Variants in XKR9 observed in about 807,000 individuals in gnomAD.
XKR9 encodes XK related 9.
A neutral mutation model predicts 32.0 loss-of-function variants in XKR9; 32 were observed. The observed-to-expected ratio is 1.00, with a 90% CI of 0.76 to 1.34. XKR9 has a LOEUF of 1.34. XKR9 is among the 40% of genes most tolerant of loss of function. The probability of loss-of-function intolerance (pLI) is 0.00; values close to 1 mark genes in which losing one functional copy is unlikely to be tolerated. For synonymous variants in XKR9, 168 were observed against 143.4 expected, an observed-to-expected ratio of 1.17 and a Z score of -1.22; for missense variants, 546 against 429.7, an observed-to-expected ratio of 1.27 and a Z score of -2.39.
At chr8:71,064,785 G>T in the XKR9 span, among the ~76,000 whole-genome samples, 1 of 152,064 alleles carries the variant, frequency 6.6e-6, no homozygotes, top group Non-Finnish European at 1.5e-5. Flanking sequence ...TCACTAATGT[G>T]TTAGATAGCC....
chr8:70,956,443 G>T, the XKR9 span, among the ~76,000 whole-genome samples: 1 of 152,136 alleles, frequency 6.6e-6, no homozygotes, highest in African/African-American at 2.4e-5. Context: ...CCAATTGGCC[G>T]AACTGTCATC....
At chr8:70,748,547 A>G (rs926574148) in intron 2 of XKR9, among the ~76,000 whole-genome samples, 2 of 152,166 alleles carry the variant, frequency 1.3e-5, no homozygotes, top group African/African-American at 4.8e-5. Context: ...CAAGCGTGGG[A>G]GGGAGGCTGG....
the XKR9 span, among the ~76,000 whole-genome samples, chr8:71,011,131 C>T: frequency 2.6e-5 from 4 of 152,096 alleles, no homozygotes; most frequent in Non-Finnish European, 5.9e-5. Flanking sequence ...ATGATCAAAG[C>T]TTCTGGCAGT....
intron 3 of XKR9, among the ~76,000 whole-genome samples, chr8:70,684,029 T>C (rs1264870317): frequency 1.3e-5 from 2 of 152,244 alleles, no homozygotes; most frequent in East Asian, 3.8e-4. Flanking sequence ...GATTTTAGTC[T>C]CATTGCCGCT....
chr8:70,792,418 C>T (rs977749447), downstream of XKR9, among the ~76,000 whole-genome samples: 5 of 152,044 alleles, frequency 3.3e-5, no homozygotes, highest in Non-Finnish European at 7.4e-5. Context: ...GAGAAGTCTT[C>T]CCTGAGGAAA....
At position 70,699,942 on chromosome 8, in the gene XKR9, A is replaced by G. The variant is rs561635897; in HGVS notation, c.273-6991A>G. On this transcript the variant is annotated intron_variant, in intron 3 of 4. Coordinates refer to ENST00000408926, the MANE Select transcript of XKR9 (RefSeq NM_001011720.2). Reference sequence around the variant, plus strand: ...CTTCATTTCATTCATTTCATCTTCCATCACTGATACCCTTTCTTCCAGTTG... The same window carrying G: ...CTTCATTTCATTCATTTCATCTTCCGTCACTGATACCCTTTCTTCCAGTTG... 3.9e-3 allele frequency among the ~76,000 whole-genome samples: 600 copies of G among 152,110 alleles called. 5 individuals carry two copies. The highest frequency in any genetic ancestry group is 0.014 in the African/African-American group (566 of 41,504).
the XKR9 span, among the ~76,000 whole-genome samples, chr8:70,844,896 C>A: frequency 0.11 from 16,489 of 152,288 alleles, 1,419 homozygotes; most frequent in Admixed American, 0.28. Flanking sequence ...CACATCCTAT[C>A]CAGGGGACCA....
chr8:70,987,914 TCA>T, the XKR9 span, among the ~76,000 whole-genome samples: 1 of 152,188 alleles, frequency 6.6e-6, no homozygotes, highest in South Asian at 2.1e-4. Context: ...TTCTCTGCAC[TCA>T]CAGTCTCAAC....
At chr8:70,894,843 T>C in the XKR9 span, among the ~76,000 whole-genome samples, 1 of 152,040 alleles carries the variant, frequency 6.6e-6, no homozygotes, top group African/African-American at 2.4e-5. Context: ...ACAGCTCAGC[T>C]TGGGGCTGTT....
chr8:71,011,439 A>T, the XKR9 span, among the ~76,000 whole-genome samples: 1 of 152,236 alleles, frequency 6.6e-6, no homozygotes, highest in Non-Finnish European at 1.5e-5. Context: ...AGTGCTGAGC[A>T]CAGAGACTCT....
At chr8:71,003,871 A>G in the XKR9 span, among the ~76,000 whole-genome samples, 1 of 152,216 alleles carries the variant, frequency 6.6e-6, no homozygotes, top group Admixed American at 6.5e-5. Context: ...TTTCCTAGAG[A>G]TAAAACGTGT....
the XKR9 span, among the ~76,000 whole-genome samples, chr8:70,903,709 T>C: frequency 2.6e-5 from 4 of 152,216 alleles, no homozygotes; most frequent in African/African-American, 7.2e-5. Flanking sequence ...CTTGCTTCTC[T>C]AGTTCTTTTA....
At chr8:70,838,663 C>T in the XKR9 span, among the ~76,000 whole-genome samples, 3 of 152,072 alleles carry the variant, frequency 2.0e-5, no homozygotes. Context: ...CCATCTTTCT[C>T]TGAAGTTCAT....
the XKR9 span, among the ~76,000 whole-genome samples, chr8:70,828,241 A>G: frequency 1.3e-5 from 2 of 152,210 alleles, no homozygotes; most frequent in Non-Finnish European, 2.9e-5. Flanking sequence ...TTTGTAGAGG[A>G]GTGCTCTATC....
chr8:71,058,295 G>T, the XKR9 span, among the ~76,000 whole-genome samples: 1 of 152,220 alleles, frequency 6.6e-6, no homozygotes, highest in South Asian at 2.1e-4. Context: ...AGCAAGATTA[G>T]AGTGTTGCAT....
the XKR9 span, among the ~76,000 whole-genome samples, chr8:70,842,246 G>A: frequency 1.3e-5 from 2 of 152,128 alleles, no homozygotes; most frequent in Admixed American, 6.6e-5. Context: ...TTGGCCATAA[G>A]ATGCACCTTT....
the XKR9 span, among the ~76,000 whole-genome samples, chr8:70,987,279 C>T: frequency 3.3e-5 from 5 of 152,298 alleles, no homozygotes; most frequent in Admixed American, 3.3e-4. Context: ...CAAAAGTCCA[C>T]AGTCCAAAGT....
intron 3 of XKR9, among the ~76,000 whole-genome samples, chr8:70,687,340 TTCTTTC>T (rs1230068307): frequency 6.7e-6 from 1 of 149,292 alleles, no homozygotes; most frequent in African/African-American, 2.5e-5. Flanking sequence ...CTTTCTTTCT[TTCTTTC>T]TTTCTTTCTT....
At chr8:70,918,420 C>T in the XKR9 span, among the ~76,000 whole-genome samples, 43 of 152,236 alleles carry the variant, frequency 2.8e-4, 1 homozygote, top group Middle Eastern at 3.4e-3. Context: ...TACAAAGGAA[C>T]TGGATTTCAG....
Sources: allele counts gnomAD v4.1 joint callset (sites outside exome capture counted in the v4.1 genomes callset), GRCh38; gene constraint gnomAD v4.1.1; transcripts MANE v1.5; gene names NCBI Gene and HGNC (gene_info 2026-07-23, HGNC 2026-07-21).